Variants in HMCN1 observed in about 807,000 individuals in gnomAD.
The protein encoded by HMCN1 is hemicentin 1.
HMCN1 carries 321 observed loss-of-function variants against 625.9 expected under a neutral mutation model. The observed-to-expected ratio is 0.51, with a 90% CI of 0.47 to 0.56. HMCN1 has a LOEUF of 0.56. Ranked by LOEUF, HMCN1 falls within the 20% of genes least tolerant of loss-of-function variation. The pLI is 0.00. For synonymous variants in HMCN1, 2,425 were observed against 2,417.6 expected (o/e 1.00, Z -0.09); for missense variants, 6,588 against 6,887.3 (o/e 0.96, Z 1.54).
chr1:186,133,938 G>A (rs1470445803), intron 86 of HMCN1, among the ~76,000 whole-genome samples: 1 of 152,000 alleles, frequency 6.6e-6, no homozygotes, highest in African/African-American at 2.4e-5. Context: ...TAATATGTTG[G>A]TGTGAATTAT....
In HMCN1 at chr1:185,987,560, A is replaced by T. The variant is rs368750010; in HGVS notation, c.3048+16A>T. 1 of 1,514,502 alleles carries T rather than the reference A, an allele frequency of 6.6e-7. No individual in the cohort carries two copies. The highest frequency in any genetic ancestry group is 9.2e-7 in the Non-Finnish European group (1 of 1,089,390). The allele number at this position is 1,514,502 out of a possible 1,614,324, so 93.8% of individuals were successfully genotyped here. ...CTGGTCCAAGGTAAATGATACATCTAGTTATATTTCCTGAAGAGCAGAGTG... is the reference window on the plus strand; with the variant it reads ...CTGGTCCAAGGTAAATGATACATCTTGTTATATTTCCTGAAGAGCAGAGTG... On this transcript the variant is annotated intron_variant, in intron 20 of 106. Transcript: ENST00000271588.
intron 54 of HMCN1, among the ~76,000 whole-genome samples, chr1:186,077,611 T>C (rs1434400939): frequency 2.0e-5 from 3 of 152,162 alleles, no homozygotes; most frequent in Non-Finnish European, 2.9e-5. Context: ...CTTTATATAA[T>C]TATTGCAACT....
rs543897847 is a variant in HMCN1, at chr1:185,994,823, A to G, written c.3514A>G (p.Lys1172Glu). The G allele has an allele frequency of 1.2e-6, 2 of 1,613,496 alleles. No homozygotes were observed. The highest frequency in any genetic ancestry group is 1.7e-6 in the Non-Finnish European group (2 of 1,179,552). ...CCAGTTATTATTTCTAGTTCCTCCA[A>G]AGATACAGCGTGGACCTAAACATCT... Reference protein sequence around the residue: ...AVKLNVHVPPKIQRGPKHLKV... With the variant: ...AVKLNVHVPPEIQRGPKHLKV... Residue 1172 changes from lysine (K) to glutamate (E), a missense_variant, in exon 24 of 107, where the codon AAG (lysine) becomes GAG (glutamate). Around this residue, in one of 3 missense-constraint regions of HMCN1, gnomAD observed 4,628 missense variants for 4,853.1 expected, o/e 0.95. Coordinates refer to ENST00000271588, the MANE Select transcript of HMCN1 (RefSeq NM_031935.3).
intron 68 of HMCN1, among the ~76,000 whole-genome samples, chr1:186,098,788 G>A (rs191838213): frequency 4.6e-5 from 7 of 152,162 alleles, no homozygotes; most frequent in Admixed American, 2.6e-4. Context: ...GTTCAACAAT[G>A]GATGAATGAA....
intron 97 of HMCN1, among the ~76,000 whole-genome samples, chr1:186,158,372 T>TCCC (rs1463926600): frequency 3.9e-5 from 6 of 152,066 alleles, no homozygotes; most frequent in Non-Finnish European, 7.4e-5. Flanking sequence ...GAAAATTTTC[T>TCCC]CCCATGCTGT....
intron 1 of HMCN1, among the ~76,000 whole-genome samples, chr1:185,762,559 C>A (rs1321030935): frequency 6.6e-6 from 1 of 152,086 alleles, no homozygotes; most frequent in East Asian, 1.9e-4. Context: ...TGCCATCAGT[C>A]TAGTAATAGA....
At chr1:186,056,106 A>G (rs1468446300) in intron 45 of HMCN1, among the ~76,000 whole-genome samples, 1 of 152,048 alleles carries the variant, frequency 6.6e-6, no homozygotes, top group African/African-American at 2.4e-5. Context: ...AATAAGTCAT[A>G]AATGTCAATA....
intron 96 of HMCN1, 127 bp from the exon 97 acceptor site, chr1:186,153,623 C>T (rs547697578): frequency 1.3e-6 from 1 of 784,928 alleles, no homozygotes; most frequent in South Asian, 1.4e-5. Context: ...TGTTTACCAT[C>T]ATGCATGATG....
intron 48 of HMCN1, 26 bp downstream of exon 48, chr1:186,062,626 G>A (rs1034815984): frequency 2.0e-6 from 3 of 1,483,994 alleles, no homozygotes; most frequent in South Asian, 2.3e-5. Flanking sequence ...TCAGACTTTT[G>A]GTGCTCCCCC....
At chr1:185,952,998 G>T (rs1197911383) in intron 11 of HMCN1, among the ~76,000 whole-genome samples, 5 of 150,550 alleles carry the variant, frequency 3.3e-5, no homozygotes, top group African/African-American at 5.0e-5. Context: ...AGAGGTCAGG[G>T]TGTGGAAATA....
In HMCN1 at chr1:185,909,341, TA is replaced by T; in HGVS notation, c.630del (p.Lys210AsnfsTer3). 6.2e-7 allele frequency: 1 copy of T among 1,609,880 alleles called. No individual in the cohort carries two copies. Among genetic ancestry groups the T allele is most frequent in the Non-Finnish European group, 8.5e-7 (1 of 1,176,360 alleles). ...HLDKKQVNEVLKWVEEAVQAS... is the reference protein window; with the variant it reads ...HLDKKQVNEVXKWVEEAVQAS... ...ACTTCTCTTTCTCTCTTATAGGTATTAAAATGGGTAGAAGAAGCAGTACAGG... is the reference window on the plus strand; with the variant it reads ...ACTTCTCTTTCTCTCTTATAGGTATTAAATGGGTAGAAGAAGCAGTACAGG... On this transcript the variant is annotated frameshift_variant, in exon 5 of 107. Coordinates refer to ENST00000271588, the MANE Select transcript of HMCN1 (RefSeq NM_031935.3). LOFTEE classifies it high-confidence loss of function.
At chr1:185,767,467 G>A (rs1655948753) in intron 1 of HMCN1, among the ~76,000 whole-genome samples, 1 of 152,158 alleles carries the variant, frequency 6.6e-6, no homozygotes, top group South Asian at 2.1e-4. Flanking sequence ...GCAAAGATAA[G>A]ACAATAGTGA....
chr1:186,182,803 T>TA (rs948156700), intron 105 of HMCN1, among the ~76,000 whole-genome samples: 4 of 152,210 alleles, frequency 2.6e-5, no homozygotes, highest in Non-Finnish European at 4.4e-5. Context: ...ATAAATAAGA[T>TA]AGAGTCTTCC....
At chr1:186,118,250 G>C (rs1429519835) in intron 77 of HMCN1, among the ~76,000 whole-genome samples, 2 of 152,076 alleles carry the variant, frequency 1.3e-5, no homozygotes, top group East Asian at 1.9e-4. Context: ...ACACAATAGA[G>C]ATAAAGTAGC....
At chr1:186,181,002 T>A (rs2102663615) in intron 104 of HMCN1, among the ~76,000 whole-genome samples, 1 of 152,284 alleles carries the variant, frequency 6.6e-6, no homozygotes, top group East Asian at 1.9e-4. Context: ...GTTTAGTTTT[T>A]GAAGAAATTG....
intron 55 of HMCN1, among the ~76,000 whole-genome samples, chr1:186,079,540 T>C (rs946966889): frequency 2.0e-5 from 3 of 152,182 alleles, no homozygotes; most frequent in African/African-American, 7.2e-5. Context: ...GTTGTGTGCC[T>C]GCGCATCAAT....
At chr1:186,036,431 A>G (rs943984484) in intron 36 of HMCN1, among the ~76,000 whole-genome samples, 2 of 152,092 alleles carry the variant, frequency 1.3e-5, no homozygotes, top group Non-Finnish European at 2.9e-5. Flanking sequence ...TGATGGATCT[A>G]AAACCATCAG....
intron 1 of HMCN1, among the ~76,000 whole-genome samples, chr1:185,743,988 T>G (rs34433315): frequency 0.2 from 23,551 of 117,454 alleles, 773 homozygotes; most frequent in African/African-American, 0.3. Context: ...TTTTGTTTTT[T>G]TTTTTTTTTT....
chr1:186,176,042 T>A (rs1044910039), intron 103 of HMCN1, among the ~76,000 whole-genome samples: 1 of 152,206 alleles, frequency 6.6e-6, no homozygotes, highest in Non-Finnish European at 1.5e-5. Flanking sequence ...TTGTTTTCTT[T>A]CATGCCACTG....
Sources: allele counts gnomAD v4.1 joint callset (sites outside exome capture counted in the v4.1 genomes callset), GRCh38; gene constraint gnomAD v4.1.1; regional missense constraint gnomAD v4.1.1; transcripts MANE v1.5; gene names NCBI Gene and HGNC (gene_info 2026-07-23, HGNC 2026-07-21).